UGCG: variants seen among roughly 807,000 people sequenced by gnomAD.
UGCG encodes the protein ceramide glucosyltransferase.
A neutral mutation model predicts 49.5 loss-of-function variants in UGCG; 10 were observed. That is an observed-to-expected ratio of 0.20 (90% CI 0.12 to 0.34). UGCG has a LOEUF of 0.34. UGCG is among the 10% of genes least tolerant of loss of function. UGCG has a pLI of 1.00. For synonymous variants in UGCG, 182 were observed against 158.2 expected, an observed-to-expected ratio of 1.15 and a Z score of -1.13; for missense variants, 312 against 483.7, an observed-to-expected ratio of 0.65 and a Z score of 3.33.
At chr9:111,926,636 C>A in intron 5 of UGCG, 140 bp downstream of exon 5, 1 of 531,812 alleles carries the variant, frequency 1.9e-6, no homozygotes, top group Non-Finnish European at 3.1e-6. Context: ...TCTAGAAGCC[C>A]TGAGTTGAGA....
intron 5 of UGCG, among the ~76,000 whole-genome samples, chr9:111,926,863 T>C (rs1490989943): frequency 1.5e-4 from 8 of 52,576 alleles, no homozygotes; most frequent in African/African-American, 8.3e-4. Context: ...CCCCCAGCCT[T>C]TTTTTTTTTT....
At chr9:111,923,838 T>C (rs1219804655) in intron 3 of UGCG, among the ~76,000 whole-genome samples, 3 of 152,118 alleles carry the variant, frequency 2.0e-5, no homozygotes, top group African/African-American at 7.2e-5. Flanking sequence ...TTTCACCACG[T>C]CAGGCTGGTC....
At chr9:111,911,607 C>G (rs974212841) in intron 1 of UGCG, among the ~76,000 whole-genome samples, 3 of 151,810 alleles carry the variant, frequency 2.0e-5, no homozygotes, top group African/African-American at 7.3e-5. Context: ...AGTATATTAC[C>G]AGTTCAGGGG....
intron 1 of UGCG, among the ~76,000 whole-genome samples, chr9:111,911,905 GATATATATATAT>G (rs200468304): frequency 0.014 from 1,124 of 78,654 alleles, 14 homozygotes; most frequent in Middle Eastern, 0.023. Context: ...TATTCAACAG[GATATATATATAT>G]ATATATATAT....
chr9:111,907,211 C>CCAAA (rs1477759136), intron 1 of UGCG, among the ~76,000 whole-genome samples: 1 of 152,128 alleles, frequency 6.6e-6, no homozygotes, highest in African/African-American at 2.4e-5. Context: ...TCAAAGTGTT[C>CCAAA]CAAACATACT....
intron 5 of UGCG, among the ~76,000 whole-genome samples, chr9:111,927,653 G>A (rs1344153464): frequency 3.3e-5 from 5 of 151,982 alleles, no homozygotes; most frequent in Admixed American, 2.6e-4. Context: ...GGTTTTCACC[G>A]TGTTAGCCAG....
At chr9:111,901,886 T>C (rs781560006) in intron 1 of UGCG, among the ~76,000 whole-genome samples, 7 of 152,200 alleles carry the variant, frequency 4.6e-5, no homozygotes, top group Non-Finnish European at 1.0e-4. Flanking sequence ...ATTTTATATT[T>C]CTTATTGTAG....
chr9:111,922,989 TAGTATTA>T, intron 3 of UGCG, 38 bp downstream of exon 3: 1 of 1,318,970 alleles, frequency 7.6e-7, no homozygotes, highest in South Asian at 1.2e-5. Context: ...TTTCCATTGA[TAGTATTA>T]AGTATCAGTA....
chr9:111,913,816 C>T (rs1838063471), intron 1 of UGCG, among the ~76,000 whole-genome samples: 1 of 152,060 alleles, frequency 6.6e-6, no homozygotes, highest in Non-Finnish European at 1.5e-5. Context: ...GAACGTTGGC[C>T]ATTTGGTCAC....
chr9:111,928,622 T>C (rs556718241), intron 5 of UGCG, among the ~76,000 whole-genome samples: 18 of 152,330 alleles, frequency 1.2e-4, no homozygotes, highest in African/African-American at 4.3e-4. Context: ...CCACAAACAC[T>C]AGGGCTTCAC....
At chr9:111,921,565 C>G (rs1414720791) in intron 2 of UGCG, among the ~76,000 whole-genome samples, 4 of 150,546 alleles carry the variant, frequency 2.7e-5, no homozygotes, top group African/African-American at 9.8e-5. Flanking sequence ...GCAGGCGAAT[C>G]GATTGAACCT....
intron 1 of UGCG, among the ~76,000 whole-genome samples, chr9:111,910,999 C>T (rs921408478): frequency 3.9e-5 from 6 of 152,130 alleles, no homozygotes; most frequent in African/African-American, 1.4e-4. Flanking sequence ...CACCTGCCTC[C>T]ACCTTTGAAA....
chr9:111,912,065 A>C (rs1838021749), intron 1 of UGCG, among the ~76,000 whole-genome samples: 1 of 95,636 alleles, frequency 1.0e-5, no homozygotes, highest in Non-Finnish European at 2.1e-5. Flanking sequence ...CTGTTGAATC[A>C]ATTAATTGTG....
intron 1 of UGCG, among the ~76,000 whole-genome samples, chr9:111,900,445 G>C (rs937897749): frequency 2.0e-5 from 3 of 151,350 alleles, no homozygotes; most frequent in Admixed American, 1.3e-4. Flanking sequence ...GTAAAACAGA[G>C]GTCCTTTTTT....
intron 3 of UGCG, among the ~76,000 whole-genome samples, chr9:111,923,653 C>T (rs1036375541): frequency 4.7e-5 from 7 of 150,500 alleles, no homozygotes; most frequent in African/African-American, 9.8e-5. Flanking sequence ...TTCTTTGATA[C>T]GAATTTTTTG....
intron 1 of UGCG, among the ~76,000 whole-genome samples, chr9:111,900,971 A>G (rs1837759037): frequency 6.6e-6 from 1 of 151,904 alleles, no homozygotes; most frequent in African/African-American, 2.4e-5. Context: ...TCAGCCTCCC[A>G]AGTAGCTGGG....
intron 2 of UGCG, among the ~76,000 whole-genome samples, chr9:111,916,475 C>G (rs191690755): frequency 6.6e-6 from 1 of 152,016 alleles, no homozygotes; most frequent in Non-Finnish European, 1.5e-5. Context: ...TTTTTGTGTT[C>G]GTTTTTGTTT....
At chr9:111,907,342 AC>A in intron 1 of UGCG, among the ~76,000 whole-genome samples, 1 of 152,336 alleles carries the variant, frequency 6.6e-6, no homozygotes, top group Non-Finnish European at 1.5e-5. Flanking sequence ...AAATGCTGTA[AC>A]GATTAGACAC....
intron 1 of UGCG, among the ~76,000 whole-genome samples, chr9:111,898,058 C>G (rs1163815913): frequency 6.7e-6 from 1 of 149,106 alleles, no homozygotes; most frequent in Non-Finnish European, 1.5e-5. Flanking sequence ...GAATTCCTGT[C>G]CTCATGAGTC....
Sources: gnomAD v4.1 joint callset for allele counts (sites outside exome capture counted in the v4.1 genomes callset) on GRCh38, gnomAD v4.1.1 for gene constraint, MANE v1.5 for transcripts, NCBI Gene and HGNC (gene_info 2026-07-23, HGNC 2026-07-21) for gene names.